LRRTM3: variants seen among roughly 807,000 people sequenced by gnomAD.
LRRTM3 encodes the protein leucine rich repeat transmembrane neuronal 3.
LRRTM3 carries 24 observed loss-of-function variants against 44.7 expected under a neutral mutation model. The observed-to-expected ratio is 0.54, with a 90% confidence interval of 0.39 to 0.76. The LOEUF (loss-of-function observed/expected upper bound fraction) is 0.76. Among genes scored for constraint, LRRTM3 ranks in the 30% least tolerant of loss-of-function variants. The pLI, the probability that LRRTM3 is intolerant of heterozygous loss-of-function variation, is 0.00. For missense variants in LRRTM3, 587 were observed against 702.2 expected (o/e 0.84, Z 1.85); for synonymous variants, 277 against 278.7 (o/e 0.99, Z 0.06).
chr10:66,976,640 T>A (rs1047298861), intron 2 of LRRTM3, among the ~76,000 whole-genome samples: 1 of 152,208 alleles, frequency 6.6e-6, no homozygotes, highest in African/African-American at 2.4e-5. Context: ...TCAATACTAA[T>A]CAAACTTACT....
chr10:66,990,689 T>C (rs1384108392), intron 2 of LRRTM3, among the ~76,000 whole-genome samples: 1 of 152,188 alleles, frequency 6.6e-6, no homozygotes, highest in African/African-American at 2.4e-5. Context: ...GGATAATGGA[T>C]GTTTATAGCA....
intron 2 of LRRTM3, among the ~76,000 whole-genome samples, chr10:66,975,688 C>T (rs780273399): frequency 6.6e-6 from 1 of 152,174 alleles, no homozygotes; most frequent in Non-Finnish European, 1.5e-5. Flanking sequence ...ACAAGTTTAT[C>T]TGGTTCTCCA....
chr10:66,964,615 G>T (rs1450467665), intron 2 of LRRTM3, among the ~76,000 whole-genome samples: 1 of 152,130 alleles, frequency 6.6e-6, no homozygotes, highest in Non-Finnish European at 1.5e-5. Flanking sequence ...TATCTGTCAG[G>T]TGATGGTGGA....
At chr10:66,960,872 A>T (rs1925565) in intron 2 of LRRTM3, among the ~76,000 whole-genome samples, 3 of 152,086 alleles carry the variant, frequency 2.0e-5, no homozygotes, top group Non-Finnish European at 4.4e-5. Context: ...GAAGGAAAGG[A>T]TCTGTAGAAA....
At chr10:67,079,856 AAAACACACACACACAC>A (rs1333856089) in intron 2 of LRRTM3, among the ~76,000 whole-genome samples, 1 of 124,184 alleles carries the variant, frequency 8.1e-6, no homozygotes, top group Non-Finnish European at 1.7e-5. Context: ...TCAAAAAAAC[AAAACACACACACACAC>A]ACACACACAC....
At chr10:66,977,707 A>C (rs2132858961) in intron 2 of LRRTM3, among the ~76,000 whole-genome samples, 1 of 152,302 alleles carries the variant, frequency 6.6e-6, no homozygotes, top group African/African-American at 2.4e-5. Flanking sequence ...TACTATTGTT[A>C]GATAAAGGAG....
chr10:66,953,507 T>C (rs1408769429), intron 2 of LRRTM3, among the ~76,000 whole-genome samples: 2 of 152,192 alleles, frequency 1.3e-5, no homozygotes, highest in Non-Finnish European at 2.9e-5. Context: ...CATACCATCA[T>C]GTTCTTCCAG....
intron 2 of LRRTM3, among the ~76,000 whole-genome samples, chr10:67,025,900 C>T (rs1272689320): frequency 1.5e-5 from 2 of 131,864 alleles, no homozygotes; most frequent in Non-Finnish European, 3.3e-5. Flanking sequence ...AAATGTGGCA[C>T]ATATACACCA....
chr10:67,096,889 A>C (rs555574196), intron 2 of LRRTM3, among the ~76,000 whole-genome samples: 1 of 152,034 alleles, frequency 6.6e-6, no homozygotes, highest in South Asian at 2.1e-4. Flanking sequence ...TCTAAATTTT[A>C]GATATATGGA....
intron 2 of LRRTM3, among the ~76,000 whole-genome samples, chr10:67,010,976 C>G (rs988704126): frequency 2.6e-5 from 4 of 152,106 alleles, no homozygotes; most frequent in African/African-American, 7.2e-5. Flanking sequence ...AATAGAGAAT[C>G]TACAATATAA....
In LRRTM3 at chr10:67,098,240, T is replaced by C. The variant is rs1858132485; in HGVS notation, c.*444T>C. 6.3e-6 allele frequency: 1 copy of C among 158,492 alleles called. No homozygotes were observed. Among genetic ancestry groups the C allele is most frequent in the African/African-American group, 2.4e-5 (1 of 41,452 alleles). 9.8% of individuals were successfully genotyped at this position (158,492 alleles called of 1,614,324 possible). ...TTAACAAAAATTATTTCTTGTGTTA[T>C]TCAGAGTTACTCAGTTTTGTAAGGA... is the stretch of plus-strand genomic sequence containing the variant. On this transcript the variant is annotated 3_prime_UTR_variant, in exon 3 of 3. Transcript: ENST00000361320.
intron 2 of LRRTM3, among the ~76,000 whole-genome samples, chr10:66,931,897 A>C (rs1847418919): frequency 1.3e-5 from 2 of 152,234 alleles, no homozygotes; most frequent in Non-Finnish European, 2.9e-5. Context: ...TATTTTTATT[A>C]AAGGGGTTAA....
At chr10:66,950,763 T>C (rs532868804) in intron 2 of LRRTM3, among the ~76,000 whole-genome samples, 1 of 152,184 alleles carries the variant, frequency 6.6e-6, no homozygotes, top group Admixed American at 6.5e-5. Context: ...ATTTAATCCT[T>C]ACAAAAACAA....
intron 2 of LRRTM3, among the ~76,000 whole-genome samples, chr10:67,073,504 T>C (rs753434958): frequency 5.9e-5 from 9 of 152,132 alleles, no homozygotes; most frequent in Non-Finnish European, 1.0e-4. Flanking sequence ...AACTCTCGTT[T>C]GTCAACATCC....
At chr10:66,983,567 T>A (rs901073310) in intron 2 of LRRTM3, among the ~76,000 whole-genome samples, 22 of 151,984 alleles carry the variant, frequency 1.4e-4, no homozygotes, top group African/African-American at 4.6e-4. Context: ...TAAACTGGAG[T>A]TTTTATTGAG....
chr10:66,997,160 A>G (rs1925611), intron 2 of LRRTM3, among the ~76,000 whole-genome samples: 77,187 of 151,982 alleles, frequency 0.51, 20,773 homozygotes, highest in East Asian at 0.81. Context: ...AGTGTCAAGC[A>G]TTTGGCAAAA....
chr10:66,929,416 A>C (rs1431605100), intron 2 of LRRTM3, among the ~76,000 whole-genome samples: 2 of 152,166 alleles, frequency 1.3e-5, no homozygotes, highest in Non-Finnish European at 2.9e-5. Flanking sequence ...TAGAATCCTT[A>C]GCTCTGTCCT....
chr10:67,019,639 TGA>T (rs1244214614), intron 2 of LRRTM3, among the ~76,000 whole-genome samples: 2 of 152,238 alleles, frequency 1.3e-5, no homozygotes, highest in Admixed American at 6.5e-5. Flanking sequence ...TTACACAGTG[TGA>T]GTCATTGATA....
At chr10:66,985,270 G>GCT (rs1292604222) in intron 2 of LRRTM3, among the ~76,000 whole-genome samples, 1 of 152,170 alleles carries the variant, frequency 6.6e-6, no homozygotes, top group Non-Finnish European at 1.5e-5. Flanking sequence ...TTGTTATAAA[G>GCT]TTTAACAATA....
Sources: allele counts gnomAD v4.1 joint callset (sites outside exome capture counted in the v4.1 genomes callset), GRCh38; gene constraint gnomAD v4.1.1; transcripts MANE v1.5; gene names NCBI Gene and HGNC (gene_info 2026-07-23, HGNC 2026-07-21).